HCN1: variants seen among roughly 807,000 people sequenced by gnomAD.
The protein encoded by HCN1 is potassium/sodium hyperpolarization-activated cyclic nucleotide-gated channel 1.
HCN1 carries 13 observed loss-of-function variants against 78.9 expected under a neutral mutation model. The ratio of observed to expected loss-of-function variants is 0.16; its 90% confidence interval spans 0.11 to 0.26. The LOEUF is 0.26. Ranked by LOEUF, HCN1 falls within the 10% of genes least tolerant of loss-of-function variation. The probability of loss-of-function intolerance (pLI) is 1.00; values close to 1 mark genes in which losing one functional copy is unlikely to be tolerated. For synonymous variants in HCN1, 552 were observed against 455.5 expected (o/e 1.21, Z -2.70); for missense variants, 810 against 1,154.3 (o/e 0.70, Z 4.32).
chr5:45,351,956 A>G (rs932360775), intron 5 of HCN1, among the ~76,000 whole-genome samples: 1 of 152,098 alleles, frequency 6.6e-6, no homozygotes, highest in Non-Finnish European at 1.5e-5. Context: ...AAACATTGTG[A>G]AAGTCAGTGT....
chr5:45,549,106 A>C lies in HCN1; in HGVS notation c.850-87099T>G, dbSNP rs1395879936. 3.9e-5 allele frequency among the ~76,000 whole-genome samples: 6 copies of C among 152,156 alleles called. No homozygotes were observed. In the East Asian group the frequency reaches 1.2e-3, roughly 29 times the overall value. ...TTATAGATTCAATGCCATCCCCATC[A>C]AGCTACCAATGACTTTCTTCACAGA... is the stretch of plus-strand genomic sequence containing the variant. On this transcript the variant is annotated intron_variant, in intron 2 of 7. Transcript: ENST00000303230.
chr5:45,494,011 T>G (rs1741962039), intron 2 of HCN1, among the ~76,000 whole-genome samples: 4 of 152,200 alleles, frequency 2.6e-5, no homozygotes, highest in Admixed American at 2.0e-4. Flanking sequence ...TGTTGGACAT[T>G]TGGCTTGGTT....
chr5:45,424,123 A>C (rs1275127617), intron 3 of HCN1, among the ~76,000 whole-genome samples: 1 of 147,538 alleles, frequency 6.8e-6, no homozygotes, highest in Non-Finnish European at 1.5e-5. Flanking sequence ...AAAATCCAAA[A>C]AAAAAAAAAA....
At chr5:45,457,357 G>A (rs1053166704) in intron 3 of HCN1, among the ~76,000 whole-genome samples, 16 of 152,030 alleles carry the variant, frequency 1.1e-4, no homozygotes, top group African/African-American at 3.6e-4. Flanking sequence ...TAATTTTAGT[G>A]TTGTACACCT....
chr5:45,375,679 A>T (rs1239009182), intron 4 of HCN1, among the ~76,000 whole-genome samples: 1 of 109,722 alleles, frequency 9.1e-6, no homozygotes. Context: ...TATGATACAT[A>T]TTATATATAA....
intron 4 of HCN1, among the ~76,000 whole-genome samples, chr5:45,360,015 T>G (rs1747079351): frequency 6.6e-6 from 1 of 150,842 alleles, no homozygotes; most frequent in Non-Finnish European, 1.5e-5. Flanking sequence ...AATGATAATA[T>G]CTAACGTACT....
intron 1 of HCN1, among the ~76,000 whole-genome samples, chr5:45,648,194 C>A (rs967837329): frequency 6.6e-6 from 1 of 152,136 alleles, no homozygotes; most frequent in African/African-American, 2.4e-5. Context: ...AAGCACCCAG[C>A]AACCTAATGA....
chr5:45,406,300 AG>A (rs1211174242), intron 3 of HCN1, among the ~76,000 whole-genome samples: 2 of 152,172 alleles, frequency 1.3e-5, no homozygotes, highest in Non-Finnish European at 1.5e-5. Flanking sequence ...TTTATATATA[AG>A]TATTAGTGAA....
intron 4 of HCN1, among the ~76,000 whole-genome samples, chr5:45,392,701 G>T (rs1264731436): frequency 6.6e-6 from 1 of 151,560 alleles, no homozygotes; most frequent in Non-Finnish European, 1.5e-5. Flanking sequence ...GTCAGAAATT[G>T]CTGGAACTCG....
intron 2 of HCN1, among the ~76,000 whole-genome samples, chr5:45,566,405 T>G (rs935765769): frequency 2.0e-5 from 3 of 152,230 alleles, no homozygotes; most frequent in Non-Finnish European, 4.4e-5. Flanking sequence ...GATAGTTTAC[T>G]ATTTCAGTAT....
At chr5:45,269,757 A>T (rs1335582972) in intron 6 of HCN1, among the ~76,000 whole-genome samples, 1 of 152,098 alleles carries the variant, frequency 6.6e-6, no homozygotes, top group Non-Finnish European at 1.5e-5. Flanking sequence ...CGCAACATGG[A>T]GGGAGGGATG....
chr5:45,685,500 G>C (rs1172386760), intron 1 of HCN1, among the ~76,000 whole-genome samples: 1 of 152,140 alleles, frequency 6.6e-6, no homozygotes, highest in Non-Finnish European at 1.5e-5. Flanking sequence ...GATCACCCAA[G>C]GTCAGGAATT....
At chr5:45,374,258 A>T (rs1747542442) in intron 4 of HCN1, among the ~76,000 whole-genome samples, 1 of 124,718 alleles carries the variant, frequency 8.0e-6, no homozygotes, top group Non-Finnish European at 1.6e-5. Flanking sequence ...TACATTATAT[A>T]CATAACATAT....
intron 2 of HCN1, among the ~76,000 whole-genome samples, chr5:45,530,448 T>A (rs546953575): frequency 8.6e-4 from 129 of 149,818 alleles, no homozygotes; most frequent in South Asian, 2.9e-3. Flanking sequence ...TTTTTTTTTT[T>A]AAAATAAAGG....
intron 2 of HCN1, chr5:45,641,839 T>G (rs1745460651): frequency 6.6e-6 from 1 of 152,174 alleles, no homozygotes. Context: ...CACTAAGCCC[T>G]TAATCTACTC....
In HCN1 at chr5:45,262,881, C is replaced by T. The variant is rs1385148325; in HGVS notation, c.1784-71G>A. ...TGATGACAACGCCAAGTGAGAGTGGCTCCTGCAAACAGAAGTATAGCTGTG... is the reference window on the plus strand; with the variant it reads ...TGATGACAACGCCAAGTGAGAGTGGTTCCTGCAAACAGAAGTATAGCTGTG... On this transcript the variant is annotated intron_variant, in intron 7 of 7. Coordinates refer to ENST00000303230, the MANE Select transcript of HCN1 (RefSeq NM_021072.4). The T allele has an allele frequency of 7.9e-6, 12 of 1,520,374 alleles. 1 individual carries two copies. The South Asian group carries it at 1.3e-4, about 16-fold the overall frequency. The allele number at this position is 1,520,374 out of a possible 1,614,324, so 94.2% of individuals were successfully genotyped here. A position where few individuals can be genotyped will look rare whatever the true frequency, so the allele number is the denominator to read the frequency against.
chr5:45,333,033 G>T (rs1171451624), intron 5 of HCN1, among the ~76,000 whole-genome samples: 2 of 151,612 alleles, frequency 1.3e-5, no homozygotes, highest in Admixed American at 1.3e-4. Context: ...TCATATGGTA[G>T]CTCAATTTTT....
At chr5:45,376,080 A>G (rs1020523451) in intron 4 of HCN1, among the ~76,000 whole-genome samples, 9 of 111,398 alleles carry the variant, frequency 8.1e-5, no homozygotes, top group African/African-American at 3.3e-4. Flanking sequence ...GTTATAATAT[A>G]TATTATATTA....
intron 2 of HCN1, among the ~76,000 whole-genome samples, chr5:45,511,115 T>A (rs1211383323): frequency 6.6e-6 from 1 of 152,044 alleles, no homozygotes; most frequent in Non-Finnish European, 1.5e-5. Flanking sequence ...AGATGATGGT[T>A]TCTAATGCCA....
Sources: gnomAD v4.1 joint callset for allele counts (sites outside exome capture counted in the v4.1 genomes callset) on GRCh38, gnomAD v4.1.1 for gene constraint, MANE v1.5 for transcripts, NCBI Gene and HGNC (gene_info 2026-07-23, HGNC 2026-07-21) for gene names.